SH3D19: variants seen among roughly 807,000 people sequenced by gnomAD.
SH3D19 encodes the protein SH3 domain containing 19.
Under a neutral mutation model 112.1 loss-of-function variants are expected in SH3D19, and 58 were observed. The ratio of observed to expected loss-of-function variants is 0.52; its 90% CI spans 0.42 to 0.64. The LOEUF (loss-of-function observed/expected upper bound fraction) is 0.64, where lower values mean the gene tolerates loss of function less well. SH3D19 is among the 30% of genes least tolerant of loss of function. The pLI is 0.00. For missense variants in SH3D19, 1,090 were observed against 1,263.4 expected, an observed-to-expected ratio of 0.86 and a Z score of 2.08; for synonymous variants, 391 against 448.5, an observed-to-expected ratio of 0.87 and a Z score of 1.62.
chr4:151,136,523 A>C (rs1054612448), intron 14 of SH3D19, among the ~76,000 whole-genome samples: 13 of 152,236 alleles, frequency 8.5e-5, no homozygotes, highest in African/African-American at 3.1e-4. Context: ...ATATTTGGCT[A>C]TAATGCATGC....
chr4:151,296,980 G>A (rs11941637), intron 1 of SH3D19, among the ~76,000 whole-genome samples: 4,865 of 152,156 alleles, frequency 0.032, 266 homozygotes, highest in African/African-American at 0.11. Flanking sequence ...ATATTATTTC[G>A]ACAGTGAATG....
chr4:151,227,459 C>T (rs1010144088), intron 1 of SH3D19, among the ~76,000 whole-genome samples: 1 of 152,150 alleles, frequency 6.6e-6, no homozygotes, highest in Non-Finnish European at 1.5e-5. Context: ...AGTGTTAGCA[C>T]ATTTCTGGTT....
chr4:151,180,883 C>A (rs1201799449), intron 3 of SH3D19, among the ~76,000 whole-genome samples: 1 of 151,396 alleles, frequency 6.6e-6, no homozygotes, highest in Non-Finnish European at 1.5e-5. Flanking sequence ...CCTGCCTCAG[C>A]CTCCCGAGTA....
chr4:151,222,123 C>T (rs960336717), intron 2 of SH3D19, among the ~76,000 whole-genome samples: 2 of 152,176 alleles, frequency 1.3e-5, no homozygotes, highest in African/African-American at 4.8e-5. Flanking sequence ...CCATTTTTGA[C>T]CAGCTCTGTC....
intron 1 of SH3D19, among the ~76,000 whole-genome samples, chr4:151,323,003 G>C (rs1730704242): frequency 6.6e-6 from 1 of 152,190 alleles, no homozygotes; most frequent in African/African-American, 2.4e-5. Context: ...GCTAAGTCTA[G>C]GAGGGATGGG....
chr4:151,232,794 G>T (rs1769712529), intron 1 of SH3D19, among the ~76,000 whole-genome samples: 1 of 152,096 alleles, frequency 6.6e-6, no homozygotes, highest in Admixed American at 6.5e-5. Flanking sequence ...CAGCATCCTT[G>T]TATTCATTTC....
intron 7 of SH3D19, among the ~76,000 whole-genome samples, chr4:151,169,034 G>T (rs1561271713): frequency 6.6e-6 from 1 of 152,128 alleles, no homozygotes; most frequent in Admixed American, 6.5e-5. Context: ...CTTGCTGTGG[G>T]AAGAATGGCC....
At chr4:151,226,246 A>G (rs1390435555) in intron 1 of SH3D19, 160 bp from the exon 2 acceptor site, 2 of 1,223,632 alleles carry the variant, frequency 1.6e-6, no homozygotes, top group African/African-American at 3.1e-5. Flanking sequence ...TTCGCCTGAC[A>G]GAGGCAGAAA....
chr4:151,194,598 T>C (rs569567586), intron 2 of SH3D19, among the ~76,000 whole-genome samples: 1 of 150,818 alleles, frequency 6.6e-6, no homozygotes, highest in South Asian at 2.1e-4. Flanking sequence ...GTAAATTTAG[T>C]GGAGATGAAG....
chr4:151,228,624 G>A (rs1336663929), intron 1 of SH3D19, among the ~76,000 whole-genome samples: 1 of 152,088 alleles, frequency 6.6e-6, no homozygotes, highest in Non-Finnish European at 1.5e-5. Flanking sequence ...AAAATAATAA[G>A]TGGTTATTAT....
chr4:151,276,317 G>A (rs540348953), intron 1 of SH3D19, among the ~76,000 whole-genome samples: 1 of 152,278 alleles, frequency 6.6e-6, no homozygotes, highest in South Asian at 2.1e-4. Flanking sequence ...AGATGTTGTG[G>A]TGTACCATCC....
intron 1 of SH3D19, among the ~76,000 whole-genome samples, chr4:151,297,356 T>C (rs1486522522): frequency 1.3e-5 from 2 of 152,264 alleles, no homozygotes; most frequent in Admixed American, 1.3e-4. Context: ...TGTGGCACTT[T>C]GTGTGCCATT....
chr4:151,247,075 T>C (rs111607556), intron 1 of SH3D19, among the ~76,000 whole-genome samples: 46 of 152,350 alleles, frequency 3.0e-4, no homozygotes, highest in African/African-American at 9.9e-4. Context: ...GTATTACTTT[T>C]CTTATTTTTC....
intron 11 of SH3D19, among the ~76,000 whole-genome samples, chr4:151,144,739 G>A (rs1753633580): frequency 6.6e-6 from 1 of 152,132 alleles, no homozygotes; most frequent in Non-Finnish European, 1.5e-5. Flanking sequence ...TTCTCCTAGA[G>A]TCTCTCTGAT....
chr4:151,167,853 G>A (rs1758354205), intron 7 of SH3D19, among the ~76,000 whole-genome samples: 1 of 149,592 alleles, frequency 6.7e-6, no homozygotes, highest in East Asian at 2.0e-4. Context: ...CCGCCCCACC[G>A]TCTGGGAAGT....
At chr4:151,237,426 C>G (rs543818839) in intron 1 of SH3D19, among the ~76,000 whole-genome samples, 1 of 152,292 alleles carries the variant, frequency 6.6e-6, no homozygotes, top group African/African-American at 2.4e-5. Flanking sequence ...CTTACCATCT[C>G]CAGGTGTCTA....
intron 1 of SH3D19, among the ~76,000 whole-genome samples, chr4:151,260,543 C>T (rs1561409828): frequency 6.6e-6 from 1 of 152,186 alleles, no homozygotes; most frequent in Admixed American, 6.5e-5. Flanking sequence ...CATAGCTACC[C>T]CTGGACCTTT....
At chr4:151,203,436 T>C (rs1238815549) in intron 2 of SH3D19, among the ~76,000 whole-genome samples, 1 of 152,242 alleles carries the variant, frequency 6.6e-6, no homozygotes, top group Non-Finnish European at 1.5e-5. Flanking sequence ...TCAGATTCTC[T>C]GTTATTTTTA....
chr4:151,279,060 C>T (rs938593780), intron 1 of SH3D19: 1 of 389,428 alleles, frequency 2.6e-6, no homozygotes, highest in Non-Finnish European at 4.9e-6. Context: ...TGTCAGTATC[C>T]ACCTCTCACT....
Sources: allele counts gnomAD v4.1 joint callset (sites outside exome capture counted in the v4.1 genomes callset), GRCh38; gene constraint gnomAD v4.1.1; transcripts MANE v1.5; gene names NCBI Gene and HGNC (gene_info 2026-07-23, HGNC 2026-07-21).